VCP: variants seen among roughly 807,000 people sequenced by gnomAD.
The protein encoded by VCP is transitional endoplasmic reticulum ATPase.
In VCP, 6 loss-of-function variants were observed where a neutral mutation model predicts 85.7. The ratio of observed to expected loss-of-function variants is 0.07; its 90% CI spans 0.04 to 0.14. The LOEUF (loss-of-function observed/expected upper bound fraction) is 0.14, where lower values mean the gene tolerates loss of function less well. Among genes scored for constraint, VCP ranks in the 10% least tolerant of loss-of-function variants. The pLI is 1.00. For missense variants in VCP, 353 were observed against 1,043.4 expected, an observed-to-expected ratio of 0.34 and a Z score of 9.12; for synonymous variants, 384 against 367.1, an observed-to-expected ratio of 1.05 and a Z score of -0.53.
chr9:35,057,998 G>A (rs77294357), intron 15 of VCP, among the ~76,000 whole-genome samples: 4,561 of 152,276 alleles, frequency 0.03, 256 homozygotes, highest in African/African-American at 0.1. Flanking sequence ...ATCCTACCTA[G>A]CGGTCTCACT....
chr9:35,072,065 G>C, intron 1 of VCP: 2 of 1,271,292 alleles, frequency 1.6e-6, no homozygotes, highest in Non-Finnish European at 2.0e-6. Context: ...GGAGCCAATC[G>C]GGCGGGCCGG....
chr9:35,061,249 G>A, intron 10 of VCP, 70 bp from the exon 11 acceptor site: 1 of 1,600,034 alleles, frequency 6.2e-7, no homozygotes, highest in South Asian at 1.1e-5. Flanking sequence ...AGAGACAATA[G>A]AATCCTTCCC....
At chr9:35,069,732 G>A (rs552228643) in intron 1 of VCP, among the ~76,000 whole-genome samples, 34 of 152,318 alleles carry the variant, frequency 2.2e-4, no homozygotes, top group African/African-American at 8.2e-4. Flanking sequence ...GATTACAGGC[G>A]TGAGCCACAG....
At chr9:35,058,675 G>A (rs1828659474) in intron 15 of VCP, among the ~76,000 whole-genome samples, 1 of 152,210 alleles carries the variant, frequency 6.6e-6, no homozygotes, top group Non-Finnish European at 1.5e-5. Flanking sequence ...GCTGAGGCAG[G>A]AGAATCGCTT....
chr9:35,057,973 C>T, intron 15 of VCP: 1 of 295,408 alleles, frequency 3.4e-6, no homozygotes, highest in South Asian at 3.2e-5. Context: ...TCAGTGCTTA[C>T]CACATTTGGA....
chr9:35,063,801 G>A (rs1320013417), intron 6 of VCP, among the ~76,000 whole-genome samples: 1 of 152,188 alleles, frequency 6.6e-6, no homozygotes, highest in Non-Finnish European at 1.5e-5. Flanking sequence ...CTTCTACTGG[G>A]TGACATTGCT....
In VCP at chr9:35,056,985, T is replaced by C; in HGVS notation, c.*132A>G. On this transcript the variant is annotated 3_prime_UTR_variant, in exon 17 of 17. Transcript: ENST00000358901. ...AAACCCCCTGTCCAGAGTCAGACTG[T>C]AGCTGAACTGTTCAGACTGGAGAAT... 1.1e-6 allele frequency: 1 copy of C among 883,074 alleles called. No homozygotes were observed. The highest frequency in any genetic ancestry group is 1.9e-6 in the Non-Finnish European group (1 of 532,838). The allele number at this position is 883,074 out of a possible 1,614,324, so 54.7% of individuals were successfully genotyped here. A position where few individuals can be genotyped will look rare whatever the true frequency, so the allele number is the denominator to read the frequency against.
At chr9:35,069,490 T>C (rs1828898575) in intron 1 of VCP, among the ~76,000 whole-genome samples, 1 of 150,840 alleles carries the variant, frequency 6.6e-6, no homozygotes, top group Non-Finnish European at 1.5e-5. Flanking sequence ...TTCGCTTTTG[T>C]TGTCCAGGCT....
At chr9:35,070,747 T>C (rs925774601) in intron 1 of VCP, among the ~76,000 whole-genome samples, 3 of 152,224 alleles carry the variant, frequency 2.0e-5, no homozygotes, top group Non-Finnish European at 4.4e-5. Context: ...ATAGTTTGTA[T>C]TTTAATCTCA....
At chr9:35,067,794 C>T (rs1828861838) in intron 3 of VCP, 97 bp downstream of exon 3, 2 of 1,520,454 alleles carry the variant, frequency 1.3e-6, no homozygotes, top group Non-Finnish European at 1.8e-6. Flanking sequence ...TCGACAGGTG[C>T]CAAGAACTTG....
intron 1 of VCP, among the ~76,000 whole-genome samples, chr9:35,070,020 G>A (rs1315431233): frequency 6.6e-6 from 1 of 152,188 alleles, no homozygotes; most frequent in African/African-American, 2.4e-5. Context: ...GCTGTGCTCA[G>A]CTAGGAAGCC....
intron 1 of VCP, 53 bp downstream of exon 1, chr9:35,072,284 G>C (rs1828972726): frequency 6.7e-7 from 1 of 1,485,392 alleles, no homozygotes. Flanking sequence ...TACCCTGCGC[G>C]GCTGGTCCCG....
chr9:35,063,598 A>G (rs1188560408), intron 6 of VCP, among the ~76,000 whole-genome samples: 1 of 152,224 alleles, frequency 6.6e-6, no homozygotes, highest in African/African-American at 2.4e-5. Flanking sequence ...CAGAACATGT[A>G]AACTGTCCAC....
At chr9:35,061,727 C>G (rs368770422) in intron 9 of VCP, 38 bp from the exon 10 acceptor site, 3 of 999,192 alleles carry the variant, frequency 3.0e-6, no homozygotes, top group Non-Finnish European at 4.7e-6. Flanking sequence ...GGGCTCATCT[C>G]TAGTCCAGAG....
chr9:35,057,353 T>C (rs2131026456), intron 16 of VCP, 23 bp downstream of exon 16: 1 of 1,613,980 alleles, frequency 6.2e-7, no homozygotes, highest in African/African-American at 1.3e-5. Context: ...TTAAGCACTG[T>C]CTAATGCTCC....
Position 35,061,016 on chromosome 9 carries a change from C to A in VCP, c.1358G>T (p.Arg453Leu). The A allele has an allele frequency of 6.2e-7, 1 of 1,614,078 alleles. No homozygotes were observed. Among genetic ancestry groups the A allele is most frequent in the Non-Finnish European group, 8.5e-7 (1 of 1,180,016 alleles). ...NSLAVTMDDF[R>L]WALSQSNPSA... is the part of the protein sequence containing the mutation. ...CTGAGGCACGGGTGTGGTCCTTACC[C>A]GGAAGTCATCCATAGTAACTGCTAG... Residue 453 changes from arginine to leucine, a missense_variant and splice_region_variant, in exon 11 of 17, where the codon CGG becomes CTG. By Grantham distance (102) the Arg-to-Leu change is moderately radical (BLOSUM62 -2). Around this residue, in one of 8 missense-constraint regions of VCP, gnomAD observed 22 missense variants for 31.2 expected, o/e 0.70. Transcript: ENST00000358901.
At position 35,057,470 on chromosome 9, in the gene VCP, G is replaced by C; in HGVS notation, c.2221C>G (p.Arg741Gly). The part of the protein sequence containing the change: ...IRRDHFEEAM[R>G]FARRSVSDND... ...TCACTGACAGAACGGCGCGCAAAGC[G>C]CATGGCTTCTTCAAAGTGATCTCGA... Residue 741 changes from arginine to glycine, a missense_variant, in exon 16 of 17, where the codon CGC becomes GGC. By Grantham distance (125) the Arg-to-Gly change is moderately radical. Coordinates refer to ENST00000358901, the MANE Select transcript of VCP (RefSeq NM_007126.5). 1 of 1,614,044 alleles carries C rather than the reference G, an allele frequency of 6.2e-7. No homozygotes were observed. The highest frequency in any genetic ancestry group is 8.5e-7 in the Non-Finnish European group (1 of 1,180,048).
chr9:35,071,823 C>G, intron 1 of VCP: 1 of 989,800 alleles, frequency 1.0e-6, no homozygotes, highest in Non-Finnish European at 1.2e-6. Context: ...CGGGCCTTCC[C>G]CGACCCCGGG....
chr9:35,058,234 A>T (rs552509793), intron 15 of VCP, among the ~76,000 whole-genome samples: 14 of 152,318 alleles, frequency 9.2e-5, no homozygotes, highest in Admixed American at 4.6e-4. Flanking sequence ...TGGGAGAGAG[A>T]AGGGATGTCA....
Sources: allele counts gnomAD v4.1 joint callset (sites outside exome capture counted in the v4.1 genomes callset), GRCh38; gene constraint gnomAD v4.1.1; regional missense constraint gnomAD v4.1.1; transcripts MANE v1.5; gene names NCBI Gene and HGNC (gene_info 2026-07-23, HGNC 2026-07-21).